SERGEF: variants seen among roughly 807,000 people sequenced by gnomAD.
SERGEF encodes secretion-regulating guanine nucleotide exchange factor.
A neutral mutation model predicts 50.0 loss-of-function variants in SERGEF; 51 were observed. The observed-to-expected ratio is 1.02, with a 90% confidence interval of 0.81 to 1.29. The LOEUF (loss-of-function observed/expected upper bound fraction) is 1.29, where lower values mean the gene tolerates loss of function less well. SERGEF is among the 50% of genes most tolerant of loss of function. The pLI, the probability that SERGEF is intolerant of heterozygous loss-of-function variation, is 0.00. For synonymous variants in SERGEF, 205 were observed against 212.4 expected, an observed-to-expected ratio of 0.97 and a Z score of 0.30; for missense variants, 521 against 557.0, an observed-to-expected ratio of 0.94 and a Z score of 0.65.
chr11:17,806,772 G>A (rs536820095), intron 10 of SERGEF, among the ~76,000 whole-genome samples: 1 of 152,302 alleles, frequency 6.6e-6, no homozygotes, highest in African/African-American at 2.4e-5. Flanking sequence ...GGTAGAATCT[G>A]GGTGGCGTGA....
rs1284413837 is a variant in SERGEF at position 18,007,949 on chromosome 11, A to G, written c.188T>C (p.Val63Ala). ...RITGGGGHSA[V>A]VTDGGDLFVC... ...CTTTTGAAGGAAATTACCTGTGACAACTGCAGAGTGGCCCCCTCCTCCTGT... is the reference window on the plus strand; with the variant it reads ...CTTTTGAAGGAAATTACCTGTGACAGCTGCAGAGTGGCCCCCTCCTCCTGT... Residue 63 changes from valine (V) to alanine (A), a missense_variant, in exon 2 of 11, where the codon GTT becomes GCT. Val to Ala is a moderately conservative substitution (Grantham distance 64, BLOSUM62 0). Transcript: ENST00000265965. 2 of 1,612,492 alleles carry G rather than the reference A, an allele frequency of 1.2e-6. No individual in the cohort carries two copies. Among genetic ancestry groups the G allele is most frequent in the East Asian group, 2.2e-5 (1 of 44,868 alleles).
intron 10 of SERGEF, among the ~76,000 whole-genome samples, chr11:17,795,229 C>T (rs1344996423): frequency 6.6e-6 from 1 of 152,122 alleles, no homozygotes; most frequent in African/African-American, 2.4e-5. Context: ...GTTTGGGAGA[C>T]ACTTCTGAGT....
chr11:17,980,125 C>T (rs1203972107), intron 8 of SERGEF, among the ~76,000 whole-genome samples: 1 of 152,218 alleles, frequency 6.6e-6, no homozygotes, highest in Non-Finnish European at 1.5e-5. Flanking sequence ...AAAGAGGCCT[C>T]TTAGCCAGTT....
At position 17,873,493 on chromosome 11, in the gene SERGEF, T is replaced by C. The variant is rs1165480685; in HGVS notation, c.1048+4715A>G. On this transcript the variant is annotated intron_variant, in intron 10 of 10. Transcript: ENST00000265965. ...AAAAAGAGTTATTTCTCTATTTTCC[T>C]ATTAAATTCTTACATGAAATTGCTT... Among the ~76,000 whole-genome samples, 4 of 152,330 alleles carry C rather than the reference T, an allele frequency of 2.6e-5. No individual in the cohort carries two copies. The East Asian group carries it at 7.7e-4, about 29-fold the overall frequency.
At chr11:17,821,261 A>C (rs1028931088) in intron 10 of SERGEF, among the ~76,000 whole-genome samples, 4 of 152,186 alleles carry the variant, frequency 2.6e-5, no homozygotes, top group African/African-American at 9.7e-5. Flanking sequence ...ATCATAAACC[A>C]CACAGATTGT....
At chr11:17,882,118 T>C (rs1201210775) in intron 9 of SERGEF, among the ~76,000 whole-genome samples, 1 of 152,152 alleles carries the variant, frequency 6.6e-6, no homozygotes, top group African/African-American at 2.4e-5. Flanking sequence ...CCAAGGTAAA[T>C]CTTTTAAGAC....
chr11:17,997,314 G>A (rs1401052033), intron 5 of SERGEF, among the ~76,000 whole-genome samples: 2 of 152,096 alleles, frequency 1.3e-5, no homozygotes, highest in African/African-American at 2.4e-5. Flanking sequence ...TAACCATCAG[G>A]GAAATGAAAA....
At chr11:17,895,418 C>G (rs1851601411) in intron 9 of SERGEF, among the ~76,000 whole-genome samples, 1 of 152,158 alleles carries the variant, frequency 6.6e-6, no homozygotes, top group Admixed American at 6.5e-5. Context: ...CGTAACCCAG[C>G]CTGACAGACT....
intron 8 of SERGEF, among the ~76,000 whole-genome samples, chr11:17,978,809 C>T (rs1344478917): frequency 1.3e-5 from 2 of 152,134 alleles, no homozygotes; most frequent in African/African-American, 4.8e-5. Flanking sequence ...CAGCTCTGAC[C>T]TTACTAATTC....
At chr11:17,976,590 G>A (rs575105260) in intron 8 of SERGEF, among the ~76,000 whole-genome samples, 14 of 151,446 alleles carry the variant, frequency 9.2e-5, no homozygotes, top group South Asian at 6.2e-4. Flanking sequence ...GTGAGCCACC[G>A]TGCCTGGCTG....
intron 10 of SERGEF, among the ~76,000 whole-genome samples, chr11:17,818,191 G>GA (rs1850014485): frequency 1.3e-5 from 2 of 152,242 alleles, no homozygotes; most frequent in African/African-American, 4.8e-5. Context: ...TGAGACACGG[G>GA]AAACAGCATC....
At chr11:17,837,115 G>T (rs1200758178) in intron 10 of SERGEF, among the ~76,000 whole-genome samples, 1 of 151,928 alleles carries the variant, frequency 6.6e-6, no homozygotes, top group Non-Finnish European at 1.5e-5. Flanking sequence ...TACCTCTGAC[G>T]TCCACCCACT....
chr11:17,870,267 G>T (rs934518274), intron 10 of SERGEF, among the ~76,000 whole-genome samples: 2 of 152,170 alleles, frequency 1.3e-5, no homozygotes, highest in African/African-American at 4.8e-5. Flanking sequence ...GTTATTTACA[G>T]CAGTATGAAA....
intron 10 of SERGEF, among the ~76,000 whole-genome samples, chr11:17,813,348 C>T (rs1474422778): frequency 6.6e-6 from 1 of 152,176 alleles, no homozygotes; most frequent in Non-Finnish European, 1.5e-5. Flanking sequence ...AGGTGACTTG[C>T]TCATGATCAT....
intron 9 of SERGEF, among the ~76,000 whole-genome samples, chr11:17,942,008 T>A (rs531884561): frequency 1.5e-5 from 2 of 136,908 alleles, no homozygotes; most frequent in South Asian, 4.6e-4. Flanking sequence ...TGAGACCTTG[T>A]AGATTTATAG....
In SERGEF at chr11:17,818,298, A is replaced by G. The variant is rs536371910; in HGVS notation, c.1049-29885T>C. On this transcript the variant is annotated intron_variant, in intron 10 of 10. Transcript: ENST00000265965. Reference sequence around the variant, plus strand: ...AGTTTCTTAATCTCTAAGAGTTTCAATTTGCTTGTCTGTAAAACAAGAAAA... The same window carrying G: ...AGTTTCTTAATCTCTAAGAGTTTCAGTTTGCTTGTCTGTAAAACAAGAAAA... 3.9e-5 allele frequency among the ~76,000 whole-genome samples: 6 copies of G among 152,248 alleles called. No individual in the cohort carries two copies. In the South Asian group the frequency reaches 1.2e-3, roughly 32 times the overall value.
chr11:17,789,722 AC>A (rs1397106651), intron 10 of SERGEF, among the ~76,000 whole-genome samples: 1 of 152,240 alleles, frequency 6.6e-6, no homozygotes, highest in Non-Finnish European at 1.5e-5. Flanking sequence ...ATCTCTTTCA[AC>A]CCTTTAATTT....
rs186659569 is a variant in SERGEF, at chr11:18,010,149, G to A, written c.61-2073C>T. ...TTGTTTTTGAAGACACCTGAATGAG[G>A]AAAGGTGATGTAAAATAATTACAAC... On this transcript the variant is annotated intron_variant, in intron 1 of 10. Transcript: ENST00000265965. The A allele has an allele frequency of 2.4e-4, 288 of 1,175,794 alleles. 3 individuals are homozygous for A. In the Middle Eastern group the frequency reaches 8.8e-3, roughly 36 times the overall value. 72.8% of individuals were successfully genotyped at this position (1,175,794 alleles called of 1,614,324 possible).
chr11:17,828,724 G>A (rs1850245486), intron 10 of SERGEF, among the ~76,000 whole-genome samples: 1 of 152,188 alleles, frequency 6.6e-6, no homozygotes, highest in Admixed American at 6.5e-5. Flanking sequence ...CATACCAGAA[G>A]AGAATCTTAT....
Sources: gnomAD v4.1 joint callset for allele counts (sites outside exome capture counted in the v4.1 genomes callset) on GRCh38, gnomAD v4.1.1 for gene constraint, MANE v1.5 for transcripts, NCBI Gene and HGNC (gene_info 2026-07-23, HGNC 2026-07-21) for gene names.